The following TUSC3 variants were observed in gnomAD, a reference collection of about 807,000 sequenced individuals.
TUSC3 encodes the protein dolichyl-diphosphooligosaccharide--protein glycosyltransferase subunit TUSC3.
A neutral mutation model predicts 44.8 loss-of-function variants in TUSC3; 45 were observed. That is an observed-to-expected ratio of 1.00 (90% CI 0.79 to 1.29). The LOEUF (loss-of-function observed/expected upper bound fraction) is 1.29, where lower values mean the gene tolerates loss of function less well. Among genes scored for constraint, TUSC3 ranks in the 50% most tolerant of loss-of-function variants. The pLI, the probability that TUSC3 is intolerant of heterozygous loss-of-function variation, is 0.00. For synonymous variants in TUSC3, 212 were observed against 152.9 expected (o/e 1.39, Z -2.85); for missense variants, 519 against 437.9 (o/e 1.19, Z -1.65).
chr8:15,792,408 C>G, the TUSC3 span, among the ~76,000 whole-genome samples: 1 of 152,082 alleles, frequency 6.6e-6, no homozygotes, highest in Non-Finnish European at 1.5e-5. Flanking sequence ...CTGAAGAGAT[C>G]ATTTTTGAGA....
intron 6 of TUSC3, among the ~76,000 whole-genome samples, chr8:15,707,841 A>T (rs1010802416): frequency 6.6e-6 from 1 of 151,910 alleles, no homozygotes; most frequent in African/African-American, 2.4e-5. Flanking sequence ...TACAAAATCA[A>T]AAGATTAGCG....
chr8:15,672,423 C>T (rs1429839374), intron 5 of TUSC3, among the ~76,000 whole-genome samples: 1 of 151,720 alleles, frequency 6.6e-6, no homozygotes, highest in Admixed American at 6.6e-5. Context: ...AAAACCCTTG[C>T]AGTTTAGAAA....
At chr8:15,819,387 G>C in the TUSC3 span, among the ~76,000 whole-genome samples, 1 of 15,864 alleles carries the variant, frequency 6.3e-5, no homozygotes, top group African/African-American at 1.6e-4. Flanking sequence ...TGGTTTTATT[G>C]AATTTTCTAT....
the TUSC3 span, among the ~76,000 whole-genome samples, chr8:15,828,858 A>G: frequency 2.6e-5 from 4 of 152,266 alleles, no homozygotes; most frequent in African/African-American, 9.6e-5. Context: ...TTATTGTGCC[A>G]TTTGTTTCGT....
rs549306026 is a variant in TUSC3 at position 15,564,042 on chromosome 8, C to G, written c.138+23474C>G. ...TTAAATGCTTTAAAGAAATGTTTCC[C>G]TCTTCCTCTCCATTATAGGAGAAAC... On this transcript the variant is annotated intron_variant, in intron 1 of 10. Coordinates refer to ENST00000503731, the MANE Select transcript of TUSC3 (RefSeq NM_006765.4). Among the ~76,000 whole-genome samples the G allele has an allele frequency of 3.3e-5, 5 of 152,168 alleles. No homozygotes were observed. In the East Asian group the frequency reaches 9.7e-4, roughly 29 times the overall value.
intron 1 of TUSC3, among the ~76,000 whole-genome samples, chr8:15,435,433 A>G (rs1362751110): frequency 6.6e-6 from 1 of 152,230 alleles, no homozygotes; most frequent in African/African-American, 2.4e-5. Flanking sequence ...CATAAACTTA[A>G]GGAATATAGT....
chr8:15,568,058 T>A (rs540382526), intron 1 of TUSC3, among the ~76,000 whole-genome samples: 59 of 152,258 alleles, frequency 3.9e-4, no homozygotes, highest in African/African-American at 1.3e-3. Flanking sequence ...TACTCATTCC[T>A]CTTGTCACGA....
intron 1 of TUSC3, among the ~76,000 whole-genome samples, chr8:15,427,385 A>G (rs886515692): frequency 3.3e-5 from 5 of 152,010 alleles, no homozygotes; most frequent in African/African-American, 1.2e-4. Context: ...GCCTCTCTAG[A>G]ATAATAAATG....
chr8:15,775,149 A>G, the TUSC3 span, among the ~76,000 whole-genome samples: 1 of 152,162 alleles, frequency 6.6e-6, no homozygotes, highest in Non-Finnish European at 1.5e-5. Context: ...GTTATGAAGT[A>G]CTGTTACATC....
intron 2 of TUSC3, among the ~76,000 whole-genome samples, chr8:15,629,970 A>G (rs111918439): frequency 2.0e-4 from 30 of 151,944 alleles, no homozygotes; most frequent in African/African-American, 6.8e-4. Context: ...GTTAATTAAG[A>G]CTACTCTATA....
chr8:15,662,642 G>C (rs773258116), intron 5 of TUSC3, among the ~76,000 whole-genome samples: 6 of 151,898 alleles, frequency 4.0e-5, no homozygotes, highest in South Asian at 2.1e-4. Context: ...TTCTCATTCA[G>C]CTATTTCTTT....
chr8:15,663,255 A>G (rs1807507437), intron 5 of TUSC3, among the ~76,000 whole-genome samples: 1 of 151,820 alleles, frequency 6.6e-6, no homozygotes, highest in African/African-American at 2.4e-5. Flanking sequence ...ATCTAGATAA[A>G]TACATTATAT....
At chr8:15,466,502 C>A (rs748536030) in intron 1 of TUSC3, among the ~76,000 whole-genome samples, 2 of 152,046 alleles carry the variant, frequency 1.3e-5, no homozygotes, top group Admixed American at 1.3e-4. Flanking sequence ...TAGTTCTTAG[C>A]TTATTTTTAA....
intron 2 of TUSC3, among the ~76,000 whole-genome samples, chr8:15,533,591 TA>T (rs1393255220): frequency 2.6e-5 from 4 of 152,172 alleles, no homozygotes; most frequent in Non-Finnish European, 4.4e-5. Context: ...GTTGCTGTCT[TA>T]TTTTGGAACT....
chr8:15,567,714 C>G (rs956977524), intron 1 of TUSC3, among the ~76,000 whole-genome samples: 3 of 152,254 alleles, frequency 2.0e-5, no homozygotes, highest in East Asian at 1.9e-4. Flanking sequence ...TGGATGTCTA[C>G]ATAGGGACAA....
At chr8:15,753,015 C>CA (rs1469429692) in intron 9 of TUSC3, among the ~76,000 whole-genome samples, 38 of 152,054 alleles carry the variant, frequency 2.5e-4, no homozygotes, top group Admixed American at 2.0e-3. Context: ...GGGACACTGA[C>CA]AAAATCTACT....
At chr8:15,742,360 A>G (rs549670369) in intron 7 of TUSC3, among the ~76,000 whole-genome samples, 4 of 152,234 alleles carry the variant, frequency 2.6e-5, no homozygotes, top group Non-Finnish European at 4.4e-5. Flanking sequence ...TAGAGAGGTC[A>G]TGGAAGCATA....
the TUSC3 span, among the ~76,000 whole-genome samples, chr8:15,829,451 G>C: frequency 6.6e-6 from 1 of 152,060 alleles, no homozygotes; most frequent in Non-Finnish European, 1.5e-5. Context: ...TTGCCAATCT[G>C]ATAAGGGTTA....
chr8:15,478,339 G>C (rs146867844), intron 1 of TUSC3, among the ~76,000 whole-genome samples: 2 of 151,954 alleles, frequency 1.3e-5, no homozygotes, highest in African/African-American at 4.8e-5. Flanking sequence ...ATAAGTATAC[G>C]TGTGCCATGG....
Sources: gnomAD v4.1 joint callset for allele counts (sites outside exome capture counted in the v4.1 genomes callset) on GRCh38, gnomAD v4.1.1 for gene constraint, MANE v1.5 for transcripts, NCBI Gene and HGNC (gene_info 2026-07-23, HGNC 2026-07-21) for gene names.